AGBL4: variants seen among roughly 807,000 people sequenced by gnomAD.
AGBL4 encodes the protein AGBL carboxypeptidase 4, also known as cytosolic carboxypeptidase 6.
AGBL4 carries 58 observed loss-of-function variants against 66.4 expected under a neutral mutation model. The observed-to-expected ratio is 0.87, with a 90% CI of 0.71 to 1.09. The LOEUF is 1.09. Ranked by LOEUF, AGBL4 falls within the 50% of genes least tolerant of loss-of-function variation. AGBL4 has a pLI of 0.00. For missense variants in AGBL4, 579 were observed against 631.0 expected, an observed-to-expected ratio of 0.92 and a Z score of 0.88; for synonymous variants, 234 against 222.9, an observed-to-expected ratio of 1.05 and a Z score of -0.44.
chr1:48,852,054 A>C (rs1433575369), intron 6 of AGBL4, among the ~76,000 whole-genome samples: 1 of 72,566 alleles, frequency 1.4e-5, no homozygotes, highest in African/African-American at 5.7e-5. Flanking sequence ...TACCTACTTT[A>C]TCTTATCTAA....
intron 2 of AGBL4, among the ~76,000 whole-genome samples, chr1:49,743,226 A>C (rs931450224): frequency 1.3e-5 from 2 of 152,178 alleles, no homozygotes. Context: ...AACAACCCCA[A>C]CAAAAACTGG....
intron 4 of AGBL4, among the ~76,000 whole-genome samples, chr1:49,136,160 C>T (rs1440978982): frequency 6.6e-6 from 1 of 152,194 alleles, no homozygotes; most frequent in East Asian, 1.9e-4. Context: ...TTGAGCTGCA[C>T]ATGGAAAACA....
At chr1:49,610,192 A>T (rs1307571500) in intron 3 of AGBL4, among the ~76,000 whole-genome samples, 1 of 152,170 alleles carries the variant, frequency 6.6e-6, no homozygotes, top group African/African-American at 2.4e-5. Flanking sequence ...AAAAACAGAA[A>T]TTCTATTTAG....
At chr1:49,108,447 A>G (rs1343798746) in intron 4 of AGBL4, among the ~76,000 whole-genome samples, 2 of 152,158 alleles carry the variant, frequency 1.3e-5, no homozygotes, top group African/African-American at 4.8e-5. Flanking sequence ...AGGTGGGGGA[A>G]TCTCTGTTTA....
intron 7 of AGBL4, among the ~76,000 whole-genome samples, chr1:48,662,323 C>A (rs1455861795): frequency 1.3e-5 from 2 of 152,186 alleles, no homozygotes; most frequent in African/African-American, 4.8e-5. Context: ...TTTGAGGCAA[C>A]TGAAGTCACA....
chr1:48,543,428 A>G (rs1644108582), intron 11 of AGBL4, among the ~76,000 whole-genome samples: 2 of 146,254 alleles, frequency 1.4e-5, no homozygotes, highest in African/African-American at 5.0e-5. Context: ...CCATCCATCC[A>G]TCTACCCGTC....
intron 1 of AGBL4, among the ~76,000 whole-genome samples, chr1:49,949,981 T>C (rs531378445): frequency 1.4e-5 from 2 of 139,870 alleles, no homozygotes; most frequent in South Asian, 2.3e-4. Context: ...TATACACACA[T>C]ATGTATATAT....
chr1:48,954,555 T>A (rs932509905), intron 5 of AGBL4, among the ~76,000 whole-genome samples: 2 of 152,234 alleles, frequency 1.3e-5, no homozygotes, highest in African/African-American at 4.8e-5. Flanking sequence ...TGAGATACTA[T>A]GTAGAAAAGT....
At chr1:48,733,084 G>A (rs1409111113) in intron 6 of AGBL4, among the ~76,000 whole-genome samples, 1 of 152,148 alleles carries the variant, frequency 6.6e-6, no homozygotes, top group African/African-American at 2.4e-5. Flanking sequence ...GCATTACCAG[G>A]GAACACACAC....
intron 5 of AGBL4, among the ~76,000 whole-genome samples, chr1:49,004,840 A>G (rs1289559807): frequency 1.3e-5 from 2 of 152,242 alleles, no homozygotes; most frequent in Admixed American, 1.3e-4. Context: ...GGCCCACAAT[A>G]TGTATATGAA....
chr1:49,110,096 A>G (rs1645375888), intron 4 of AGBL4, among the ~76,000 whole-genome samples: 1 of 152,180 alleles, frequency 6.6e-6, no homozygotes, highest in Non-Finnish European at 1.5e-5. Flanking sequence ...ACTATTTGAA[A>G]TCTAATCCAT....
At chr1:49,870,747 C>G (rs917246810) in intron 1 of AGBL4, among the ~76,000 whole-genome samples, 3 of 151,824 alleles carry the variant, frequency 2.0e-5, no homozygotes, top group Non-Finnish European at 4.4e-5. Context: ...TTCAACCACA[C>G]TAGTCATTAG....
intron 6 of AGBL4, among the ~76,000 whole-genome samples, chr1:48,819,037 T>TCA (rs1257658479): frequency 6.6e-6 from 1 of 152,138 alleles, no homozygotes; most frequent in African/African-American, 2.4e-5. Context: ...GTCTTTGCCC[T>TCA]CAAAGCTTCA....
chr1:49,339,972 C>T (rs1645506018), intron 3 of AGBL4, among the ~76,000 whole-genome samples: 1 of 152,146 alleles, frequency 6.6e-6, no homozygotes, highest in South Asian at 2.1e-4. Context: ...TGAAAAACTA[C>T]ATATCCCAGT....
At chr1:49,533,426 C>T (rs1373252656) in intron 3 of AGBL4, among the ~76,000 whole-genome samples, 5 of 152,070 alleles carry the variant, frequency 3.3e-5, no homozygotes, top group Non-Finnish European at 5.9e-5. Flanking sequence ...TTCCAGGGGT[C>T]CTCAATCTGC....
chr1:49,780,702 G>GT (rs1197889690), intron 2 of AGBL4, among the ~76,000 whole-genome samples: 2 of 152,090 alleles, frequency 1.3e-5, no homozygotes, highest in East Asian at 3.9e-4. Context: ...CATTGTAAGT[G>GT]TAAGAGCAAC....
intron 5 of AGBL4, among the ~76,000 whole-genome samples, chr1:48,909,149 AG>A (rs1652868659): frequency 6.6e-6 from 1 of 152,212 alleles, no homozygotes; most frequent in Non-Finnish European, 1.5e-5. Flanking sequence ...TGCTTATTTG[AG>A]TATGCCCAAA....
At chr1:49,105,269 C>T (rs1645271980) in intron 4 of AGBL4, among the ~76,000 whole-genome samples, 1 of 152,060 alleles carries the variant, frequency 6.6e-6, no homozygotes, top group Admixed American at 6.6e-5. Flanking sequence ...AAGAACCAGA[C>T]CCAAGAAGCT....
chr1:48,770,037 GT>G (rs1644735024), intron 6 of AGBL4, among the ~76,000 whole-genome samples: 6 of 152,234 alleles, frequency 3.9e-5, no homozygotes, highest in African/African-American at 1.4e-4. Flanking sequence ...GCCACCTTTA[GT>G]GACAGGGAGC....
Sources: allele counts gnomAD v4.1 joint callset (sites outside exome capture counted in the v4.1 genomes callset), GRCh38; gene constraint gnomAD v4.1.1; transcripts MANE v1.5; gene names NCBI Gene and HGNC (gene_info 2026-07-23, HGNC 2026-07-21).